The following TSPAN12 variants were observed in gnomAD, a reference collection of about 807,000 sequenced individuals.
TSPAN12 encodes the protein tetraspanin-12.
In TSPAN12, 19 loss-of-function variants were observed where a neutral mutation model predicts 39.2. That is an observed-to-expected ratio of 0.49 (90% CI 0.34 to 0.71). The LOEUF (loss-of-function observed/expected upper bound fraction) is 0.71, where lower values mean the gene tolerates loss of function less well. Among genes scored for constraint, TSPAN12 ranks in the 30% least tolerant of loss-of-function variants. TSPAN12 has a pLI of 0.01. For missense variants in TSPAN12, 314 were observed against 359.9 expected (o/e 0.87, Z 1.03); for synonymous variants, 119 against 124.8 (o/e 0.95, Z 0.31).
chr7:120,820,013 C>T (rs1395975272), intron 4 of TSPAN12, among the ~76,000 whole-genome samples: 1 of 152,258 alleles, frequency 6.6e-6, no homozygotes, highest in Non-Finnish European at 1.5e-5. Context: ...TACACAGACA[C>T]CTATTGTCTT....
intron 2 of TSPAN12, among the ~76,000 whole-genome samples, chr7:120,851,748 G>A (rs1488713788): frequency 6.6e-6 from 1 of 152,138 alleles, no homozygotes. Context: ...TGGAGAGAAG[G>A]TGAATCATGG....
chr7:120,819,683 T>A (rs1794152732), intron 4 of TSPAN12, among the ~76,000 whole-genome samples: 1 of 152,190 alleles, frequency 6.6e-6, no homozygotes, highest in African/African-American at 2.4e-5. Context: ...GTTATTGCTG[T>A]AGCCTGAAAC....
intron 7 of TSPAN12, among the ~76,000 whole-genome samples, chr7:120,799,823 T>A (rs1350672109): frequency 1.4e-5 from 2 of 138,274 alleles, no homozygotes; most frequent in Non-Finnish European, 3.1e-5. Context: ...TTTATTTTAA[T>A]ATATTAATTA....
At chr7:120,817,558 A>C (rs1358264164) in intron 4 of TSPAN12, among the ~76,000 whole-genome samples, 1 of 152,186 alleles carries the variant, frequency 6.6e-6, no homozygotes, top group Non-Finnish European at 1.5e-5. Context: ...TCATTTTACA[A>C]ACAAGAAAAT....
Position 120,838,899 on chromosome 7 carries a change from C to T in TSPAN12, c.163G>A (p.Val55Ile). 3 of 1,613,954 alleles carry T rather than the reference C, an allele frequency of 1.9e-6. No individual in the cohort carries two copies. Among genetic ancestry groups the T allele is most frequent in the Non-Finnish European group, 1.7e-6 (2 of 1,179,924 alleles). ...ACCACAGGAAAGTAAGTCAAAATGA[C>T]TGCTTCCTCTACCCTGAAAGAAGAA... ...LTAETRVEEA[V>I]ILTYFPVVHP... is the part of the protein sequence containing the mutation. The change falls in exon 4 of 8, where the codon GTC (valine) becomes ATC (isoleucine). Residue 55 changes from valine (V) to isoleucine (I), a missense_variant. Val to Ile is a conservative substitution (Grantham distance 29). Coordinates refer to ENST00000222747, the MANE Select transcript of TSPAN12 (RefSeq NM_012338.4).
At chr7:120,848,327 G>T (rs1794710868) in intron 2 of TSPAN12, among the ~76,000 whole-genome samples, 1 of 152,116 alleles carries the variant, frequency 6.6e-6, no homozygotes, top group African/African-American at 2.4e-5. Context: ...ACAGAACATG[G>T]CCTATCTCCC....
chr7:120,850,589 C>CA (rs1794752178), intron 2 of TSPAN12, among the ~76,000 whole-genome samples: 1 of 151,958 alleles, frequency 6.6e-6, no homozygotes, highest in South Asian at 2.1e-4. Context: ...ATGTACTTCT[C>CA]AAAAAACATT....
intron 7 of TSPAN12, among the ~76,000 whole-genome samples, chr7:120,796,127 C>T (rs1793624289): frequency 6.6e-6 from 1 of 152,206 alleles, no homozygotes; most frequent in African/African-American, 2.4e-5. Flanking sequence ...TTCTTGCTCA[C>T]TAGTGAGGCC....
intron 5 of TSPAN12, among the ~76,000 whole-genome samples, chr7:120,811,439 C>G (rs542183657): frequency 1.3e-5 from 2 of 152,020 alleles, no homozygotes; most frequent in Non-Finnish European, 2.9e-5. Context: ...GAGGCCAAGA[C>G]GGGCGGATCA....
chr7:120,825,913 A>T (rs6959328), intron 4 of TSPAN12, among the ~76,000 whole-genome samples: 59,089 of 151,624 alleles, frequency 0.39, 13,883 homozygotes, highest in African/African-American at 0.66. Flanking sequence ...CAATTTTTTT[A>T]AAAAAGTCAA....
At chr7:120,856,006 T>C (rs763624173) in intron 2 of TSPAN12, among the ~76,000 whole-genome samples, 11 of 152,230 alleles carry the variant, frequency 7.2e-5, no homozygotes, top group Non-Finnish European at 1.3e-4. Flanking sequence ...AATCATACTT[T>C]ATTAAGATTT....
At chr7:120,823,194 G>A (rs1015625983) in intron 4 of TSPAN12, among the ~76,000 whole-genome samples, 7 of 151,926 alleles carry the variant, frequency 4.6e-5, no homozygotes, top group Non-Finnish European at 8.8e-5. Flanking sequence ...GGGAGGCAAA[G>A]GAAATTCCAG....
In TSPAN12 at chr7:120,827,399, C is replaced by A. The variant is rs541997436; in HGVS notation, c.285+11378G>T. Among the ~76,000 whole-genome samples, 34 of 152,112 alleles carry A rather than the reference C, an allele frequency of 2.2e-4. 1 individual carries two copies. Among genetic ancestry groups the A allele is most frequent in the South Asian group, 1.2e-3 (6 of 4,818 alleles). On this transcript the variant is annotated intron_variant, in intron 4 of 7. Coordinates refer to ENST00000222747, the MANE Select transcript of TSPAN12 (RefSeq NM_012338.4). ...ATGCACATACACTTTGTTCCTAAAC[C>A]ATAAATATTTTTATTCCCACAGAAA...
At chr7:120,849,914 A>T (rs1205487399) in intron 2 of TSPAN12, among the ~76,000 whole-genome samples, 1 of 152,186 alleles carries the variant, frequency 6.6e-6, no homozygotes, top group Non-Finnish European at 1.5e-5. Context: ...AAAATGTAAA[A>T]GTAAGATCAA....
At chr7:120,792,769 C>A (rs145529756) in intron 7 of TSPAN12, among the ~76,000 whole-genome samples, 1 of 152,230 alleles carries the variant, frequency 6.6e-6, no homozygotes, top group Admixed American at 6.5e-5. Context: ...ACACAGCAAA[C>A]GCTGGAGAGG....
At chr7:120,824,824 T>C (rs1794254285) in intron 4 of TSPAN12, among the ~76,000 whole-genome samples, 1 of 152,198 alleles carries the variant, frequency 6.6e-6, no homozygotes, top group Admixed American at 6.5e-5. Flanking sequence ...ACAAAGTCAA[T>C]CAATTTATTG....
intron 2 of TSPAN12, among the ~76,000 whole-genome samples, chr7:120,847,616 A>T (rs1220499681): frequency 6.6e-6 from 1 of 152,184 alleles, no homozygotes; most frequent in Non-Finnish European, 1.5e-5. Flanking sequence ...CCTCAGCTCT[A>T]TATCTAATTA....
chr7:120,855,887 C>CA (rs1562956178), intron 2 of TSPAN12, among the ~76,000 whole-genome samples: 1 of 151,880 alleles, frequency 6.6e-6, no homozygotes, highest in Non-Finnish European at 1.5e-5. Context: ...TAATAGAACA[C>CA]AAAAAAATGG....
At chr7:120,830,966 A>G (rs1004489684) in intron 4 of TSPAN12, among the ~76,000 whole-genome samples, 1 of 152,096 alleles carries the variant, frequency 6.6e-6, no homozygotes, top group Non-Finnish European at 1.5e-5. Context: ...TAACCCAATT[A>G]AAAAATAAGC....
Sources: gnomAD v4.1 joint callset for allele counts (sites outside exome capture counted in the v4.1 genomes callset) on GRCh38, gnomAD v4.1.1 for gene constraint, MANE v1.5 for transcripts, NCBI Gene and HGNC (gene_info 2026-07-23, HGNC 2026-07-21) for gene names.